PEPD: variants seen among roughly 807,000 people sequenced by gnomAD.
PEPD encodes the protein xaa-Pro dipeptidase.
Under a neutral mutation model 60.7 loss-of-function variants are expected in PEPD, and 53 were observed. That is an observed-to-expected ratio of 0.87 (90% confidence interval 0.70 to 1.10). PEPD has a LOEUF of 1.10. PEPD is among the 50% of genes least tolerant of loss of function. PEPD has a pLI of 0.00. For missense variants in PEPD, 711 were observed against 711.9 expected, an observed-to-expected ratio of 1.00 and a Z score of 0.01; for synonymous variants, 267 against 284.1, an observed-to-expected ratio of 0.94 and a Z score of 0.60.
intron 9 of PEPD, among the ~76,000 whole-genome samples, chr19:33,425,342 C>A (rs915608007): frequency 6.7e-6 from 1 of 148,218 alleles, no homozygotes; most frequent in African/African-American, 2.5e-5. Flanking sequence ...GCCAGAGTGG[C>A]AGATGATCCT....
chr19:33,482,987 A>T (rs1970335948), intron 6 of PEPD, among the ~76,000 whole-genome samples: 1 of 152,234 alleles, frequency 6.6e-6, no homozygotes, highest in Non-Finnish European at 1.5e-5. Flanking sequence ...GTATGTGAAC[A>T]TTTATCATAA....
At chr19:33,462,260 G>A (rs1175105191) in intron 9 of PEPD, among the ~76,000 whole-genome samples, 1 of 152,256 alleles carries the variant, frequency 6.6e-6, no homozygotes, top group African/African-American at 2.4e-5. Flanking sequence ...AAAGCCCAGA[G>A]TGAGGACATG....
intron 11 of PEPD, among the ~76,000 whole-genome samples, chr19:33,411,362 G>C (rs1968767377): frequency 6.6e-6 from 1 of 152,210 alleles, no homozygotes; most frequent in Non-Finnish European, 1.5e-5. Flanking sequence ...GGACAGCCTG[G>C]ACAGAGGCTG....
Position 33,429,521 on chromosome 19 carries a change from T to C in PEPD, c.672-15878A>G, listed in dbSNP as rs184154784. 4.5e-4 allele frequency among the ~76,000 whole-genome samples: 68 copies of C among 152,344 alleles called. 1 individual carries two copies. The highest frequency in any genetic ancestry group is 8.3e-4 in the South Asian group (4 of 4,832). ...AACCATGTGGATACACAGATATCTA[T>C]TAAACTATACACAGCAGTGTTTGAA... On this transcript the variant is annotated intron_variant, in intron 9 of 14. Coordinates refer to ENST00000244137, the MANE Select transcript of PEPD (RefSeq NM_000285.4).
At chr19:33,432,010 A>AAAAAAAAAAAAAAAAAAAAAC (rs1031542443) in intron 9 of PEPD, among the ~76,000 whole-genome samples, 11 of 147,602 alleles carry the variant, frequency 7.5e-5, no homozygotes, top group African/African-American at 2.8e-4. Context: ...AAAAAAAAAA[A>AAAAAAAAAAAAAAAAAAAAAC]GGGAAGATTA....
intron 7 of PEPD, among the ~76,000 whole-genome samples, chr19:33,465,475 G>A (rs1240218305): frequency 6.6e-6 from 1 of 152,022 alleles, no homozygotes; most frequent in Non-Finnish European, 1.5e-5. Flanking sequence ...TCCTTGATTC[G>A]ATGGAGGGAG....
chr19:33,474,873 G>A (rs563988193), intron 7 of PEPD, among the ~76,000 whole-genome samples: 23 of 151,726 alleles, frequency 1.5e-4, no homozygotes, highest in Non-Finnish European at 2.8e-4. Flanking sequence ...ACAGCTACTT[G>A]GAAGGCTGAG....
intron 13 of PEPD, 41 bp downstream of exon 13, chr19:33,391,254 G>C: frequency 6.5e-7 from 1 of 1,535,042 alleles, no homozygotes; most frequent in Non-Finnish European, 9.0e-7. Flanking sequence ...CTCAGCGGCA[G>C]CTGATGGGCA....
intron 3 of PEPD, among the ~76,000 whole-genome samples, chr19:33,502,254 G>A (rs1270981676): frequency 2.0e-5 from 3 of 152,194 alleles, no homozygotes; most frequent in Non-Finnish European, 4.4e-5. Flanking sequence ...ATCCCCAGCC[G>A]TGCTCCAGCC....
At chr19:33,463,064 A>C (rs1309538408) in intron 8 of PEPD, 23 bp from the exon 9 acceptor site, 3 of 1,469,904 alleles carry the variant, frequency 2.0e-6, no homozygotes, top group Admixed American at 1.7e-5. Flanking sequence ...TATTAAGCAA[A>C]GACATTTGTA....
At chr19:33,515,271 G>C (rs1397673777) in intron 1 of PEPD, among the ~76,000 whole-genome samples, 1 of 152,148 alleles carries the variant, frequency 6.6e-6, no homozygotes, top group Non-Finnish European at 1.5e-5. Flanking sequence ...GCCTGCCCAG[G>C]AAGGGTGGAG....
chr19:33,493,432 A>G, intron 4 of PEPD, 95 bp from the exon 5 acceptor site: 1 of 884,740 alleles, frequency 1.1e-6, no homozygotes, highest in Non-Finnish European at 1.9e-6. Context: ...GTGCACATTT[A>G]TCAAGCAGAT....
intron 9 of PEPD, among the ~76,000 whole-genome samples, chr19:33,423,880 A>G (rs1033426107): frequency 6.6e-6 from 1 of 152,050 alleles, no homozygotes; most frequent in Non-Finnish European, 1.5e-5. Flanking sequence ...TACCCCTATG[A>G]TTATATAAAC....
chr19:33,467,688 C>T (rs775435076), intron 7 of PEPD, among the ~76,000 whole-genome samples: 5 of 152,104 alleles, frequency 3.3e-5, no homozygotes, highest in Non-Finnish European at 4.4e-5. Context: ...CCAAAGAATT[C>T]GCTTTGGGGA....
At chr19:33,457,453 G>A (rs566612872) in intron 9 of PEPD, among the ~76,000 whole-genome samples, 1 of 152,306 alleles carries the variant, frequency 6.6e-6, no homozygotes, top group African/African-American at 2.4e-5. Flanking sequence ...GGCTGGCAGG[G>A]ATGAGGGGGG....
At position 33,458,422 on chromosome 19, in the gene PEPD, CAT is replaced by C. The variant is rs1229562337; in HGVS notation, c.671+4571_671+4572del. 7.0e-5 allele frequency among the ~76,000 whole-genome samples: 10 copies of C among 141,956 alleles called. No homozygotes were observed. The East Asian group carries it at 2.3e-3, about 32-fold the overall frequency. 93.1% of individuals were successfully genotyped at this position (141,956 alleles called of 152,430 possible). On this transcript the variant is annotated intron_variant, in intron 9 of 14. Coordinates refer to ENST00000244137, the MANE Select transcript of PEPD (RefSeq NM_000285.4). Reference sequence around the variant, plus strand: ...GGTGTGTGTGGTGTGTATGGCGTGTCATATGTATGCAGTATGTGGTATATGTG... The same window carrying C: ...GGTGTGTGTGGTGTGTATGGCGTGTCATGTATGCAGTATGTGGTATATGTG...
At chr19:33,469,490 T>C (rs10404460) in intron 7 of PEPD, among the ~76,000 whole-genome samples, 21,723 of 152,172 alleles carry the variant, frequency 0.14, 1,803 homozygotes, top group Non-Finnish European at 0.19. Flanking sequence ...CTCCTACTTC[T>C]TGGAGCGCGC....
intron 9 of PEPD, 42 bp from the exon 10 acceptor site, chr19:33,413,685 G>A: frequency 1.6e-6 from 2 of 1,226,540 alleles, no homozygotes; most frequent in Non-Finnish European, 2.4e-6. Flanking sequence ...CACTAGAGCA[G>A]GCACACCCCA....
chr19:33,406,954 C>T (rs1968642460), intron 11 of PEPD, among the ~76,000 whole-genome samples: 1 of 152,156 alleles, frequency 6.6e-6, no homozygotes, highest in African/African-American at 2.4e-5. Flanking sequence ...CCAGGAGCAA[C>T]ACAAAAGACC....
Sources: allele counts gnomAD v4.1 joint callset (sites outside exome capture counted in the v4.1 genomes callset), GRCh38; gene constraint gnomAD v4.1.1; transcripts MANE v1.5; gene names NCBI Gene and HGNC (gene_info 2026-07-23, HGNC 2026-07-21).